SLC16A7: variants seen among roughly 807,000 people sequenced by gnomAD.
SLC16A7 encodes the protein solute carrier family 16 member 7.
In SLC16A7, 33 loss-of-function variants were observed where a neutral mutation model predicts 34.9. That is an observed-to-expected ratio of 0.94 (90% CI 0.72 to 1.26). The LOEUF is 1.26. Ranked by LOEUF, SLC16A7 falls within the 50% of genes most tolerant of loss-of-function variation. SLC16A7 has a pLI of 0.00. For synonymous variants in SLC16A7, 201 were observed against 206.6 expected (o/e 0.97, Z 0.23); for missense variants, 573 against 578.1 (o/e 0.99, Z 0.09).
intron 2 of SLC16A7, among the ~76,000 whole-genome samples, chr12:59,663,599 T>G (rs1868971723): frequency 6.6e-6 from 1 of 152,142 alleles, no homozygotes; most frequent in Admixed American, 6.6e-5. Flanking sequence ...TCAGTAAATA[T>G]ATAGACTGCT....
chr12:59,747,269 A>G (rs1363785871), intron 3 of SLC16A7, among the ~76,000 whole-genome samples: 1 of 152,246 alleles, frequency 6.6e-6, no homozygotes, highest in Non-Finnish European at 1.5e-5. Context: ...AAGTTTTACA[A>G]TTATTAGACT....
chr12:59,700,008 A>G (rs1872705127), intron 2 of SLC16A7, among the ~76,000 whole-genome samples: 1 of 151,322 alleles, frequency 6.6e-6, no homozygotes, highest in Non-Finnish European at 1.5e-5. Context: ...GCTTTCTAGC[A>G]TTCCTCAGTA....
chr12:59,661,285 C>T (rs557092740), intron 2 of SLC16A7, among the ~76,000 whole-genome samples: 1 of 152,066 alleles, frequency 6.6e-6, no homozygotes, highest in South Asian at 2.1e-4. Context: ...TTTATTGGTG[C>T]CTGTGGGAAT....
chr12:59,771,801 G>A (rs1245378682), intron 4 of SLC16A7, among the ~76,000 whole-genome samples: 1 of 152,060 alleles, frequency 6.6e-6, no homozygotes, highest in Non-Finnish European at 1.5e-5. Context: ...ATATTTTCTG[G>A]ATGCACTGAT....
intron 2 of SLC16A7, among the ~76,000 whole-genome samples, chr12:59,695,487 G>C (rs1481386119): frequency 6.6e-6 from 1 of 151,952 alleles, no homozygotes; most frequent in Non-Finnish European, 1.5e-5. Flanking sequence ...CCACAAGTTA[G>C]ACCTTTAGTT....
intron 1 of SLC16A7, among the ~76,000 whole-genome samples, chr12:59,598,375 A>G (rs1178532204): frequency 6.6e-6 from 1 of 152,234 alleles, no homozygotes; most frequent in Non-Finnish European, 1.5e-5. Context: ...TAATCAGTCT[A>G]GACACCCTAC....
At position 59,780,895 on chromosome 12, in the gene SLC16A7, G is replaced by C. The variant is rs906843631; in HGVS notation, c.*1216G>C. On this transcript the variant is annotated 3_prime_UTR_variant, in exon 6 of 6. Coordinates refer to ENST00000547379, the MANE Select transcript of SLC16A7 (RefSeq NM_001270623.2). ...AAACAGGCCTTGTGCTCAACCACTG[G>C]AAATGCCTCCTGGGATAAGAATGGC... 6.6e-6 allele frequency: 1 copy of C among 152,144 alleles called. No homozygotes were observed. The highest frequency in any genetic ancestry group is 1.5e-5 in the Non-Finnish European group (1 of 68,048). The allele number at this position is 152,144 out of a possible 1,614,324, so 9.4% of individuals were successfully genotyped here.
chr12:59,600,533 C>T (rs772789670), intron 1 of SLC16A7, among the ~76,000 whole-genome samples: 1 of 151,900 alleles, frequency 6.6e-6, no homozygotes, highest in Non-Finnish European at 1.5e-5. Flanking sequence ...AATCCAGGGG[C>T]TGAGTCTACC....
chr12:59,691,513 G>A (rs1433581298), intron 2 of SLC16A7, among the ~76,000 whole-genome samples: 5 of 151,994 alleles, frequency 3.3e-5, no homozygotes, highest in Admixed American at 1.3e-4. Flanking sequence ...CCATGGGTGG[G>A]GAAGAGGGGC....
intron 3 of SLC16A7, among the ~76,000 whole-genome samples, chr12:59,709,193 G>A (rs1403837083): frequency 6.6e-6 from 1 of 151,674 alleles, no homozygotes; most frequent in Non-Finnish European, 1.5e-5. Context: ...GTTTCTGTGA[G>A]TACTTTATAT....
chr12:59,685,444 T>C (rs2137081511), intron 2 of SLC16A7, among the ~76,000 whole-genome samples: 2 of 152,224 alleles, frequency 1.3e-5, no homozygotes, highest in African/African-American at 4.8e-5. Flanking sequence ...TGGTGGTGAA[T>C]AGACCTCACT....
chr12:59,759,318 T>C (rs1294047589), intron 3 of SLC16A7, among the ~76,000 whole-genome samples: 1 of 151,948 alleles, frequency 6.6e-6, no homozygotes, highest in African/African-American at 2.4e-5. Context: ...ATTGGAAACA[T>C]TCGAGGGTCA....
At chr12:59,724,696 T>C (rs1282699175) in intron 3 of SLC16A7, among the ~76,000 whole-genome samples, 1 of 152,092 alleles carries the variant, frequency 6.6e-6, no homozygotes, top group Non-Finnish European at 1.5e-5. Flanking sequence ...TGTGACTTTG[T>C]ATTTAATTTT....
Position 59,750,429 on chromosome 12 carries a change from G to A in SLC16A7, c.218-20790G>A, listed in dbSNP as rs181761544. 1.4e-3 allele frequency among the ~76,000 whole-genome samples: 210 copies of A among 152,220 alleles called. 1 individual carries two copies. Among genetic ancestry groups the A allele is most frequent in the Middle Eastern group, 6.8e-3 (2 of 294 alleles). ...TATGAACAGACACTTCTCAAAAGAA[G>A]ACATTTATGCAGCCAAGAAACATGA... On this transcript the variant is annotated intron_variant, in intron 3 of 5. Transcript: ENST00000547379.
At chr12:59,746,042 G>C (rs1209153025) in intron 3 of SLC16A7, among the ~76,000 whole-genome samples, 3 of 152,096 alleles carry the variant, frequency 2.0e-5, no homozygotes, top group Non-Finnish European at 4.4e-5. Flanking sequence ...GTCAATTACG[G>C]GTTTTAAAAA....
chr12:59,646,292 CT>C (rs1375091343), intron 1 of SLC16A7, among the ~76,000 whole-genome samples: 1 of 152,188 alleles, frequency 6.6e-6, no homozygotes, highest in Non-Finnish European at 1.5e-5. Flanking sequence ...CAGGGCCCCC[CT>C]GCTGTGTGCA....
intron 2 of SLC16A7, among the ~76,000 whole-genome samples, chr12:59,694,736 A>G (rs1872081054): frequency 6.6e-6 from 1 of 152,084 alleles, no homozygotes; most frequent in Admixed American, 6.6e-5. Flanking sequence ...ATGTTTCCTC[A>G]TCTTTAATGT....
rs145607875 is a variant in SLC16A7 at position 59,704,711 on chromosome 12, G to C, written c.-30-61G>C. On this transcript the variant is annotated intron_variant, in intron 2 of 5. Coordinates refer to ENST00000547379, the MANE Select transcript of SLC16A7 (RefSeq NM_001270623.2). ...TGGAAAGTACTATTTTAGTGACTAT[G>C]AAGAGTGGTAAACAAAAGGGGAAAT... The C allele has an allele frequency of 3.9e-4, 320 of 813,932 alleles. 1 individual carries two copies. The African/African-American group carries it at 4.9e-3, about 12-fold the overall frequency. The allele number at this position is 813,932 out of a possible 1,614,324, so 50.4% of individuals were successfully genotyped here. A position where few individuals can be genotyped will look rare whatever the true frequency, so the allele number is the denominator to read the frequency against.
At chr12:59,750,331 G>C (rs1156979135) in intron 3 of SLC16A7, among the ~76,000 whole-genome samples, 1 of 152,190 alleles carries the variant, frequency 6.6e-6, no homozygotes. Context: ...CAAAGGGCTA[G>C]TATCCAGAAT....
Sources: gnomAD v4.1 joint callset for allele counts (sites outside exome capture counted in the v4.1 genomes callset) on GRCh38, gnomAD v4.1.1 for gene constraint, MANE v1.5 for transcripts, NCBI Gene and HGNC (gene_info 2026-07-23, HGNC 2026-07-21) for gene names.